Variants in CCDC57 observed in about 807,000 individuals in gnomAD.
CCDC57 encodes the protein coiled-coil domain containing 57, also known as coiled-coil domain-containing protein 57.
Under a neutral mutation model 118.9 loss-of-function variants are expected in CCDC57, and 118 were observed. The observed-to-expected ratio is 0.99, with a 90% CI of 0.86 to 1.16. The LOEUF (loss-of-function observed/expected upper bound fraction) is 1.16. Ranked by LOEUF, CCDC57 falls within the 50% of genes most tolerant of loss-of-function variation. The pLI is 0.00. For missense variants in CCDC57, 1,300 were observed against 1,320.7 expected, an observed-to-expected ratio of 0.98 and a Z score of 0.24; for synonymous variants, 527 against 532.9, an observed-to-expected ratio of 0.99 and a Z score of 0.15.
In CCDC57 at chr17:82,101,602, C is replaced by G. The variant is rs1346994707; in HGVS notation, c.*80G>C. 2.4e-6 allele frequency: 3 copies of G among 1,236,740 alleles called. No individual in the cohort carries two copies. The African/African-American group carries it at 4.6e-5, about 19-fold the overall frequency. 76.6% of individuals were successfully genotyped at this position (1,236,740 alleles called of 1,614,324 possible). ...ACCCTGCACGCTGTGCCCACACCCC[C>G]CCACAACACGTAGGTGAAAGCACAG... On this transcript the variant is annotated 3_prime_UTR_variant, in exon 20 of 20. Transcript: ENST00000665763.
chr17:82,126,935 C>A (rs959961777), intron 19 of CCDC57: 4 of 985,264 alleles, frequency 4.1e-6, no homozygotes, highest in Non-Finnish European at 4.8e-6. Flanking sequence ...ACAGGAAGGA[C>A]GCACGCTCCC....
intron 9 of CCDC57, among the ~76,000 whole-genome samples, chr17:82,183,053 C>T (rs772830001): frequency 2.6e-5 from 4 of 152,202 alleles, no homozygotes; most frequent in Non-Finnish European, 4.4e-5. Flanking sequence ...AAACCGCCCC[C>T]ATGAGCCAAT....
At chr17:82,123,982 C>CAAAAAAAAAAAAAAAAAAAAAAAAAA (rs200031813) in intron 19 of CCDC57, among the ~76,000 whole-genome samples, 1 of 64,304 alleles carries the variant, frequency 1.6e-5, no homozygotes, top group Non-Finnish European at 2.9e-5. Context: ...CATCCAAAAG[C>CAAAAAAAAAAAAAAAAAAAAAAAAAA]AAAAAAAAAA....
At chr17:82,188,377 C>T (rs1182060880) in exon 8 of CCDC57, 2 of 1,611,950 alleles carry the variant, frequency 1.2e-6, no homozygotes, top group East Asian at 2.2e-5. Flanking sequence ...CCGCCACCAG[C>T]ACTGCATCCT....
intron 19 of CCDC57, chr17:82,126,986 G>A (rs1312693530): frequency 2.4e-5 from 24 of 985,190 alleles, no homozygotes; most frequent in African/African-American, 3.5e-5. Context: ...CAGCTGCCTC[G>A]AAGCAGCATC....
At chr17:82,166,337 C>T (rs1413281126) in intron 13 of CCDC57, among the ~76,000 whole-genome samples, 1 of 134,788 alleles carries the variant, frequency 7.4e-6, no homozygotes, top group African/African-American at 2.8e-5. Flanking sequence ...TAGTGAAACC[C>T]CATCTCTACA....
rs1464085305 is a variant in CCDC57 at position 82,184,029 on chromosome 17, GCGCACACA to G, written c.1053-105_1053-98del. The G allele has an allele frequency of 7.1e-4, 169 of 238,820 alleles. 1 individual carries two copies. The highest frequency in any genetic ancestry group is 2.0e-3 in the African/African-American group (48 of 24,082). The allele number at this position is 238,820 out of a possible 1,614,324, so 14.8% of individuals were successfully genotyped here. On this transcript the variant is annotated intron_variant, in intron 8 of 19. Transcript: ENST00000665763. ...AGCAAATACACATGCGCGCGCGCGC[GCGCACACA>G]CACACACACACACACACACACACAC...
chr17:82,158,070 C>T, intron 14 of CCDC57, 122 bp from the exon 14 acceptor site: 4 of 1,449,528 alleles, frequency 2.8e-6, no homozygotes, highest in Non-Finnish European at 3.6e-6. Flanking sequence ...GGGTCAGGGC[C>T]TCCTCCCCAG....
chr17:82,208,514 C>T (rs970213888), intron 1 of CCDC57, among the ~76,000 whole-genome samples: 2 of 152,058 alleles, frequency 1.3e-5, no homozygotes, highest in Admixed American at 6.6e-5. Flanking sequence ...CTCGGCCTCC[C>T]GAAGTGCTGG....
chr17:82,101,597 ACC>A, exon 20 of CCDC57: 1 of 1,186,074 alleles, frequency 8.4e-7, no homozygotes, highest in Non-Finnish European at 1.2e-6. Flanking sequence ...CTGTGCCCAC[ACC>A]CCCCCACAAC....
chr17:82,161,054 T>C (rs1484199681), intron 14 of CCDC57, among the ~76,000 whole-genome samples: 1 of 152,064 alleles, frequency 6.6e-6, no homozygotes, highest in East Asian at 1.9e-4. Context: ...CGGATGTTTC[T>C]CCAAAGAAGA....
At chr17:82,163,331 C>G in exon 14 of CCDC57, 1 of 1,613,696 alleles carries the variant, frequency 6.2e-7, no homozygotes, top group Non-Finnish European at 8.5e-7. Context: ...ACAGACCCTC[C>G]GGCTTGACCA....
chr17:82,195,250 T>C lies in CCDC57; in HGVS notation c.618+13A>G. 1 of 1,570,072 alleles carries C rather than the reference T, an allele frequency of 6.4e-7. No individual in the cohort carries two copies. Among genetic ancestry groups the C allele is most frequent in the Non-Finnish European group, 8.7e-7 (1 of 1,155,524 alleles). On this transcript the variant is annotated intron_variant, in intron 5 of 19. Coordinates refer to ENST00000665763, the Ensembl canonical transcript of CCDC57. Reference sequence around the variant, plus strand: ...CCGAAAAACCTTCACGACCCAAGGGTGCCCCCAGTTACCTTAAGCTCCCGG... The same window carrying C: ...CCGAAAAACCTTCACGACCCAAGGGCGCCCCCAGTTACCTTAAGCTCCCGG...
At chr17:82,121,864 G>T (rs1460951956) in intron 19 of CCDC57, among the ~76,000 whole-genome samples, 1 of 152,194 alleles carries the variant, frequency 6.6e-6, no homozygotes, top group Non-Finnish European at 1.5e-5. Flanking sequence ...GGGAAGCTCT[G>T]GTTCACGTCA....
At chr17:82,184,899 C>G (rs900965863) in intron 8 of CCDC57, 2 of 152,332 alleles carry the variant, frequency 1.3e-5, no homozygotes, top group East Asian at 3.8e-4. Context: ...TGGGCTGACA[C>G]AGAATGTGTG....
intron 15 of CCDC57, chr17:82,152,240 GC>G (rs1016248131): frequency 5.8e-6 from 1 of 172,412 alleles, no homozygotes; most frequent in African/African-American, 2.4e-5. Context: ...CTCTAGCAGT[GC>G]CCAGGACCCA....
chr17:82,205,337 T>G (rs2049491594), intron 2 of CCDC57, among the ~76,000 whole-genome samples: 1 of 152,182 alleles, frequency 6.6e-6, no homozygotes, highest in Non-Finnish European at 1.5e-5. Flanking sequence ...CTTGCCTCCT[T>G]AACTCATTGG....
chr17:82,133,564 A>AT (rs1281181870), intron 17 of CCDC57, among the ~76,000 whole-genome samples: 1 of 138,902 alleles, frequency 7.2e-6, no homozygotes, highest in Non-Finnish European at 1.7e-5. Context: ...TAATGAAAAA[A>AT]TAAAAAAAAA....
In CCDC57 at chr17:82,105,398, A is replaced by G. The variant is rs1467763254; in HGVS notation, c.2900-3532T>C. Among the ~76,000 whole-genome samples, 5 of 152,164 alleles carry G rather than the reference A, an allele frequency of 3.3e-5. No individual in the cohort carries two copies. The East Asian group carries it at 7.7e-4, about 23-fold the overall frequency. ...AGTTATTTCCAAGTCTCTTGGGAAC[A>G]AGGCTTTTCCCACCACTGTCAGCAC... is the stretch of plus-strand genomic sequence containing the variant. On this transcript the variant is annotated intron_variant, in intron 19 of 19. Transcript: ENST00000665763.
Sources: gnomAD v4.1 joint callset for allele counts (sites outside exome capture counted in the v4.1 genomes callset) on GRCh38, gnomAD v4.1.1 for gene constraint, MANE v1.5 for transcripts, NCBI Gene and HGNC (gene_info 2026-07-23, HGNC 2026-07-21) for gene names.